Variants in SHQ1 observed in about 807,000 individuals in gnomAD.
SHQ1 encodes the protein protein SHQ1 homolog.
Under a neutral mutation model 53.8 loss-of-function variants are expected in SHQ1, and 49 were observed. The ratio of observed to expected loss-of-function variants is 0.91; its 90% confidence interval spans 0.72 to 1.16. The LOEUF (loss-of-function observed/expected upper bound fraction) is 1.16, where lower values mean the gene tolerates loss of function less well. SHQ1 is among the 50% of genes most tolerant of loss of function. SHQ1 has a pLI of 0.00. For missense variants in SHQ1, 738 were observed against 683.1 expected (o/e 1.08, Z -0.90); for synonymous variants, 243 against 251.0 (o/e 0.97, Z 0.30).
intron 9 of SHQ1, among the ~76,000 whole-genome samples, chr3:72,795,941 A>T (rs1706599729): frequency 6.6e-6 from 1 of 151,948 alleles, no homozygotes; most frequent in South Asian, 2.1e-4. Flanking sequence ...CATCTCTACT[A>T]AAAATACAAA....
chr3:72,759,226 G>T (rs533873065), intron 10 of SHQ1, among the ~76,000 whole-genome samples: 1 of 152,268 alleles, frequency 6.6e-6, no homozygotes, highest in Admixed American at 6.5e-5. Flanking sequence ...GTTCTGCAAG[G>T]ACATGAAGTT....
intron 10 of SHQ1, among the ~76,000 whole-genome samples, chr3:72,763,226 C>T (rs1412955661): frequency 6.6e-6 from 1 of 152,198 alleles, no homozygotes; most frequent in African/African-American, 2.4e-5. Flanking sequence ...TGAAGCAGAG[C>T]TCTCCAATCC....
rs142154059 is a variant in SHQ1 at position 72,807,389 on chromosome 3, T to C, written c.1060+5282A>G. Among the ~76,000 whole-genome samples the C allele has an allele frequency of 4.9e-3, 750 of 152,330 alleles. 7 individuals are homozygous for C. The highest frequency in any genetic ancestry group is 0.016 in the African/African-American group (662 of 41,564). On this transcript the variant is annotated intron_variant, in intron 9 of 10. Coordinates refer to ENST00000325599, the MANE Select transcript of SHQ1 (RefSeq NM_018130.3). The stretch of plus-strand genomic sequence containing the variant: ...CCTCACATGGCAGGTTCTCAACAAA[T>C]ACTTGTTGAATAAATCTCAAAATAG...
the SHQ1 span, among the ~76,000 whole-genome samples, chr3:72,725,909 C>G: frequency 2.0e-5 from 3 of 152,092 alleles, no homozygotes; most frequent in Non-Finnish European, 4.4e-5. Context: ...ATACTATGTA[C>G]TAGGTATGTT....
At chr3:72,748,349 A>G (rs1437593637), downstream of SHQ1, among the ~76,000 whole-genome samples, 12 of 147,088 alleles carry the variant, frequency 8.2e-5, no homozygotes, top group Non-Finnish European at 9.0e-5. Flanking sequence ...AAAAAAAAAA[A>G]AAAAAAAAAA....
At chr3:72,799,310 T>C (rs1297115541) in intron 9 of SHQ1, among the ~76,000 whole-genome samples, 1 of 152,194 alleles carries the variant, frequency 6.6e-6, no homozygotes, top group Non-Finnish European at 1.5e-5. Flanking sequence ...AAACTTAGTA[T>C]AATAGATACC....
chr3:72,750,523 T>C lies in SHQ1; in HGVS notation c.1495A>G (p.Ser499Gly). 6.2e-7 allele frequency: 1 copy of C among 1,614,194 alleles called. No individual in the cohort carries two copies. The highest frequency in any genetic ancestry group is 8.5e-7 in the Non-Finnish European group (1 of 1,180,026). Residue 499 changes from serine to glycine, a missense_variant, in exon 11 of 11, where the codon AGC (serine) becomes GGC (glycine). Ser to Gly is a moderately conservative substitution (Grantham distance 56). Coordinates refer to ENST00000325599, the MANE Select transcript of SHQ1 (RefSeq NM_018130.3). ...SSLQGPFLEE[S>G]SAFLIVDGGV... ...CCATCAACAATAAGAAAGGCACTGC[T>C]TTCTTCAAGAAAGGGACCTTGCAAA... is the stretch of plus-strand genomic sequence containing the variant.
In SHQ1 at chr3:72,757,056, T is replaced by C. The variant is rs190270683; in HGVS notation, c.1182-6220A>G. On this transcript the variant is annotated intron_variant, in intron 10 of 10. Transcript: ENST00000325599. The stretch of plus-strand genomic sequence containing the variant: ...GGGAACTGGGTATAAATGGAAAGCA[T>C]ACATCCTGTTTTTTTGCTGTAGAGT... Among the ~76,000 whole-genome samples the C allele has an allele frequency of 6.6e-5, 10 of 152,352 alleles. No individual in the cohort carries two copies. The East Asian group carries it at 1.2e-3, about 18-fold the overall frequency.
At chr3:72,751,291 A>G (rs1163505237) in intron 10 of SHQ1, among the ~76,000 whole-genome samples, 2 of 151,982 alleles carry the variant, frequency 1.3e-5, no homozygotes, top group African/African-American at 4.8e-5. Context: ...AGGCACCTGT[A>G]ATCCCAGCCA....
intron 9 of SHQ1, among the ~76,000 whole-genome samples, chr3:72,812,411 A>C (rs1707152833): frequency 6.6e-6 from 1 of 152,210 alleles, no homozygotes. Flanking sequence ...ATTATAATGT[A>C]AAACGGTTTG....
chr3:72,726,634 G>A, the SHQ1 span, among the ~76,000 whole-genome samples: 2 of 152,300 alleles, frequency 1.3e-5, no homozygotes, highest in Admixed American at 6.5e-5. Context: ...TTACAGGTGT[G>A]AGCCACCACG....
chr3:72,751,539 T>TATATAC lies in SHQ1; in HGVS notation c.1182-704_1182-703insGTATAT, dbSNP rs1456991894. 2.9e-3 allele frequency among the ~76,000 whole-genome samples: 345 copies of TATATAC among 120,148 alleles called. 9 individuals are homozygous for TATATAC. Among genetic ancestry groups the TATATAC allele is most frequent in the African/African-American group, 0.012 (321 of 27,256 alleles). The allele number at this position is 120,148 out of a possible 152,430, so 78.8% of individuals were successfully genotyped here. On this transcript the variant is annotated intron_variant, in intron 10 of 10. Coordinates refer to ENST00000325599, the MANE Select transcript of SHQ1 (RefSeq NM_018130.3). ...ATATATATATATATATACATATACA[T>TATATAC]ACACTAATAAAGCCTAACTCTCCTA... is the stretch of plus-strand genomic sequence containing the variant.
In SHQ1 at chr3:72,761,451, C is replaced by A. The variant is rs374578262; in HGVS notation, c.1182-10615G>T. 3.7e-4 allele frequency among the ~76,000 whole-genome samples: 57 copies of A among 152,284 alleles called. 1 individual carries two copies. The South Asian group carries it at 7.5e-3, about 20-fold the overall frequency. ...CCTCCCAAAGAGCTGAGATTATAGGCATAAGCTACTGCGCCGGGCCAAGGA... is the reference window on the plus strand; with the variant it reads ...CCTCCCAAAGAGCTGAGATTATAGGAATAAGCTACTGCGCCGGGCCAAGGA... On this transcript the variant is annotated intron_variant, in intron 10 of 10. Coordinates refer to ENST00000325599, the MANE Select transcript of SHQ1 (RefSeq NM_018130.3).
At position 72,750,416 on chromosome 3, in the gene SHQ1, C is replaced by T; in HGVS notation, c.1602G>A (p.Val534=). The change falls in exon 11 of 11, where the codon GTG becomes GTA. Residue 534 remains valine, a synonymous_variant. Coordinates refer to ENST00000325599, the MANE Select transcript of SHQ1 (RefSeq NM_018130.3). ...CAAGCTCCTCTATCAGAGGCCCAGA[C>T]ACTCCAAGAGGCCAGGAAGAGGCAA... ...KPLASSWPLG[V]SGPLIEELGE... 1 of 1,614,168 alleles carries T rather than the reference C, an allele frequency of 6.2e-7. No individual in the cohort carries two copies. Among genetic ancestry groups the T allele is most frequent in the Non-Finnish European group, 8.5e-7 (1 of 1,180,026 alleles).
intron 10 of SHQ1, among the ~76,000 whole-genome samples, chr3:72,763,062 C>CACTG (rs1315245242): frequency 2.0e-3 from 150 of 76,262 alleles, no homozygotes; most frequent in African/African-American, 5.3e-3. Context: ...CACACACACA[C>CACTG]AGAGAGAGAG....
At chr3:72,755,324 T>C (rs918490384) in intron 10 of SHQ1, among the ~76,000 whole-genome samples, 10 of 152,044 alleles carry the variant, frequency 6.6e-5, no homozygotes, top group African/African-American at 9.7e-5. Flanking sequence ...GATAGATAGA[T>C]AGACAGATAA....
chr3:72,745,772 T>C (rs1411352459), downstream of SHQ1, among the ~76,000 whole-genome samples: 1 of 152,042 alleles, frequency 6.6e-6, no homozygotes, highest in Non-Finnish European at 1.5e-5. Flanking sequence ...AGGCCAGCAA[T>C]AAAAGCAGTT....
chr3:72,836,113 G>A (rs2106939088), intron 4 of SHQ1, among the ~76,000 whole-genome samples: 1 of 152,280 alleles, frequency 6.6e-6, no homozygotes, highest in South Asian at 2.1e-4. Context: ...ACTGTTCTGG[G>A]TGCCAAAGTG....
chr3:72,759,276 C>T (rs1575676375), intron 10 of SHQ1, among the ~76,000 whole-genome samples: 1 of 152,192 alleles, frequency 6.6e-6, no homozygotes, highest in Non-Finnish European at 1.5e-5. Flanking sequence ...CACAGTACAC[C>T]CTGTAGAGCT....
Sources: allele counts gnomAD v4.1 joint callset (sites outside exome capture counted in the v4.1 genomes callset), GRCh38; gene constraint gnomAD v4.1.1; transcripts MANE v1.5; gene names NCBI Gene and HGNC (gene_info 2026-07-23, HGNC 2026-07-21).